The following MINDY4 variants were observed in gnomAD, a reference collection of about 807,000 sequenced individuals.
MINDY4 encodes the protein probable ubiquitin carboxyl-terminal hydrolase MINDY-4.
MINDY4 carries 68 observed loss-of-function variants against 87.0 expected under a neutral mutation model. That is an observed-to-expected ratio of 0.78 (90% CI 0.64 to 0.96). The LOEUF is 0.96. Ranked by LOEUF, MINDY4 falls within the 40% of genes least tolerant of loss-of-function variation. MINDY4 has a pLI of 0.00. For synonymous variants in MINDY4, 379 were observed against 363.2 expected, an observed-to-expected ratio of 1.04 and a Z score of -0.50; for missense variants, 919 against 928.2, an observed-to-expected ratio of 0.99 and a Z score of 0.13.
At chr7:30,855,432 C>T (rs1160848420) in intron 12 of MINDY4, among the ~76,000 whole-genome samples, 1 of 152,154 alleles carries the variant, frequency 6.6e-6, no homozygotes, top group East Asian at 1.9e-4. Context: ...TGGGATCTGG[C>T]CAGGGTGGCC....
chr7:30,783,688 T>A (rs987207480), intron 3 of MINDY4, among the ~76,000 whole-genome samples: 1 of 152,228 alleles, frequency 6.6e-6, no homozygotes, highest in Non-Finnish European at 1.5e-5. Flanking sequence ...TGTGAAGTGC[T>A]GTTATTTTCC....
At chr7:30,841,024 G>C (rs1189683266) in intron 9 of MINDY4, among the ~76,000 whole-genome samples, 176 bp downstream of exon 9, 1 of 152,136 alleles carries the variant, frequency 6.6e-6, no homozygotes, top group African/African-American at 2.4e-5. Flanking sequence ...GTGTTAAGGG[G>C]ACTTGTGCGC....
chr7:30,822,844 A>C (rs1788384516), intron 5 of MINDY4, among the ~76,000 whole-genome samples: 1 of 151,222 alleles, frequency 6.6e-6, no homozygotes, highest in South Asian at 2.1e-4. Flanking sequence ...GGGTATCACT[A>C]TGTTGCCCAG....
intron 14 of MINDY4, 38 bp downstream of exon 14, chr7:30,872,344 C>A (rs200610055): frequency 3.8e-6 from 6 of 1,591,442 alleles, no homozygotes; most frequent in Middle Eastern, 1.7e-4. Flanking sequence ...GTCCTTCCCC[C>A]TCCTCTGTCC....
At chr7:30,821,991 ATC>A (rs1432906506) in intron 5 of MINDY4, among the ~76,000 whole-genome samples, 2 of 151,930 alleles carry the variant, frequency 1.3e-5, no homozygotes, top group Non-Finnish European at 2.9e-5. Flanking sequence ...TCTTTCTCTC[ATC>A]TCCTCCTCCC....
At chr7:30,869,784 T>C (rs1790045908) in intron 13 of MINDY4, among the ~76,000 whole-genome samples, 1 of 152,190 alleles carries the variant, frequency 6.6e-6, no homozygotes, top group East Asian at 1.9e-4. Context: ...ACGCAGTTCA[T>C]GCCATTACAC....
intron 13 of MINDY4, 145 bp downstream of exon 13, chr7:30,859,469 G>A (rs1584326021): frequency 3.9e-6 from 3 of 765,602 alleles, no homozygotes; most frequent in African/African-American, 1.7e-5. Context: ...GTGGAGTAGG[G>A]GAAGGTCTGC....
chr7:30,882,968 C>T lies in MINDY4; in HGVS notation c.2200C>T (p.Pro734Ser). Reference sequence around the variant, plus strand: ...GGACACAGACAACGACCTTGTCCCACCCCTCGAGCTCTGCATCAGAACCAA... The same window carrying T: ...GGACACAGACAACGACCTTGTCCCATCCCTCGAGCTCTGCATCAGAACCAA... ...SEDTDNDLVP[P>S]LELCIRTKWK... The change falls in exon 17 of 18, where the codon CCC becomes TCC. Residue 734 changes from proline to serine, a missense_variant. Transcript: ENST00000265299. 2 of 1,614,072 alleles carry T rather than the reference C, an allele frequency of 1.2e-6. No individual in the cohort carries two copies. Among genetic ancestry groups the T allele is most frequent in the Non-Finnish European group, 1.7e-6 (2 of 1,179,984 alleles).
At chr7:30,847,129 C>T (rs188062564) in intron 9 of MINDY4, among the ~76,000 whole-genome samples, 84 of 152,316 alleles carry the variant, frequency 5.5e-4, no homozygotes, top group African/African-American at 1.7e-3. Flanking sequence ...GGGAGGGCAA[C>T]GGTTTTACCA....
intron 13 of MINDY4, 30 bp downstream of exon 13, chr7:30,859,354 G>A: frequency 3.7e-6 from 6 of 1,606,780 alleles, no homozygotes; most frequent in Non-Finnish European, 5.1e-6. Context: ...AACTCCCTGG[G>A]GCTGGGCTGG....
Position 30,880,244 on chromosome 7 carries a change from G to A in MINDY4, c.1972-1937G>A, listed in dbSNP as rs576345066. On this transcript the variant is annotated intron_variant, in intron 15 of 17. Coordinates refer to ENST00000265299, the MANE Select transcript of MINDY4 (RefSeq NM_032222.3). ...TAAGTAATCCCTAATTGTGCTACATGTTCCCCCACCAGGACAAAGTCCCAG... is the reference window on the plus strand; with the variant it reads ...TAAGTAATCCCTAATTGTGCTACATATTCCCCCACCAGGACAAAGTCCCAG... Among the ~76,000 whole-genome samples the A allele has an allele frequency of 2.5e-4, 37 of 150,696 alleles. No individual in the cohort carries two copies. In the South Asian group the frequency reaches 7.7e-3, roughly 32 times the overall value.
At chr7:30,886,942 C>G (rs566090005) in intron 17 of MINDY4, among the ~76,000 whole-genome samples, 1 of 152,312 alleles carries the variant, frequency 6.6e-6, no homozygotes, top group African/African-American at 2.4e-5. Context: ...TCTCATGCTT[C>G]CAGCCTGGCT....
chr7:30,823,331 A>G (rs1387767870), intron 5 of MINDY4, among the ~76,000 whole-genome samples: 1 of 152,204 alleles, frequency 6.6e-6, no homozygotes, highest in Non-Finnish European at 1.5e-5. Context: ...TTTCCCATAT[A>G]AATGATTACA....
intron 10 of MINDY4, among the ~76,000 whole-genome samples, 190 bp downstream of exon 10, chr7:30,850,745 C>T (rs1280492659): frequency 2.0e-5 from 3 of 152,212 alleles, no homozygotes; most frequent in African/African-American, 2.4e-5. Flanking sequence ...GCCTTCCATG[C>T]GGCCCTGCGA....
In MINDY4 at chr7:30,874,752, C is replaced by T. The variant is rs1366968353; in HGVS notation, c.1810-743C>T. 3.9e-5 allele frequency among the ~76,000 whole-genome samples: 6 copies of T among 152,166 alleles called. No homozygotes were observed. In the East Asian group the frequency reaches 5.8e-4, roughly 15 times the overall value. ...TTGCTGCCTACTGAAGTACCTTCCTCGGCTTTCCCTGCCCTGTTAAAACCC... is the reference window on the plus strand; with the variant it reads ...TTGCTGCCTACTGAAGTACCTTCCTTGGCTTTCCCTGCCCTGTTAAAACCC... On this transcript the variant is annotated intron_variant, in intron 14 of 17. Coordinates refer to ENST00000265299, the MANE Select transcript of MINDY4 (RefSeq NM_032222.3).
At chr7:30,798,756 T>C (rs1562534431) in intron 5 of MINDY4, among the ~76,000 whole-genome samples, 3 of 152,246 alleles carry the variant, frequency 2.0e-5, no homozygotes, top group African/African-American at 7.2e-5. Flanking sequence ...CCTCGGCCTC[T>C]CAAAGTGCTG....
chr7:30,871,050 T>A (rs1246356770), intron 13 of MINDY4, among the ~76,000 whole-genome samples: 1 of 151,016 alleles, frequency 6.6e-6, no homozygotes, highest in South Asian at 2.1e-4. Flanking sequence ...TGTACCCCCC[T>A]GGGTCGTGTG....
At chr7:30,868,988 T>G (rs1233308206) in intron 13 of MINDY4, among the ~76,000 whole-genome samples, 1 of 152,208 alleles carries the variant, frequency 6.6e-6, no homozygotes, top group Admixed American at 6.5e-5. Flanking sequence ...AGCCCATCTC[T>G]CCTTTGTGCT....
chr7:30,793,156 T>TTTTTTTTTATA (rs11271938), intron 5 of MINDY4, among the ~76,000 whole-genome samples: 1 of 116,506 alleles, frequency 8.6e-6, no homozygotes, highest in African/African-American at 2.9e-5. Flanking sequence ...TATTGTTTAT[T>TTTTTTTTTATA]TAATTGTTTA....
Sources: gnomAD v4.1 joint callset for allele counts (sites outside exome capture counted in the v4.1 genomes callset) on GRCh38, gnomAD v4.1.1 for gene constraint, MANE v1.5 for transcripts, NCBI Gene and HGNC (gene_info 2026-07-23, HGNC 2026-07-21) for gene names.